Variants in FOXRED2 observed in about 807,000 individuals in gnomAD.
FOXRED2 encodes the protein FAD dependent oxidoreductase domain containing 2.
A neutral mutation model predicts 52.5 loss-of-function variants in FOXRED2; 32 were observed. The ratio of observed to expected loss-of-function variants is 0.61; its 90% confidence interval spans 0.46 to 0.82. The LOEUF (loss-of-function observed/expected upper bound fraction) is 0.82. Ranked by LOEUF, FOXRED2 falls within the 40% of genes least tolerant of loss-of-function variation. FOXRED2 has a pLI of 0.00. For synonymous variants in FOXRED2, 405 were observed against 398.1 expected, an observed-to-expected ratio of 1.02 and a Z score of -0.21; for missense variants, 848 against 937.5, an observed-to-expected ratio of 0.90 and a Z score of 1.25.
chr22:36,493,804 C>T lies in FOXRED2; in HGVS notation c.1625-1G>A. ...GCAGGGCGGAACCTCACCTCCTGTT[C>T]TGTGGGGAGGAGAGAGGGGGCCATG... On this transcript the variant is annotated splice_acceptor_variant, in intron 7 of 8. Transcript: ENST00000397224. LOFTEE classifies it high-confidence loss of function. 1 of 1,613,900 alleles carries T rather than the reference C, an allele frequency of 6.2e-7. No homozygotes were observed.
intron 7 of FOXRED2, among the ~76,000 whole-genome samples, chr22:36,494,237 C>T (rs575786060): frequency 6.6e-6 from 1 of 152,300 alleles, no homozygotes; most frequent in South Asian, 2.1e-4. Flanking sequence ...GTGCCTCTGC[C>T]TCCAGAGTAG....
Position 36,504,113 on chromosome 22 carries a change from A to C in FOXRED2, c.1034T>G (p.Phe345Cys), listed in dbSNP as rs778723147. ...TGGAACTCACTTATTGAAAATGGAG[A>C]AGTCAAAGTTCCAGCCCAGGCAGCG... ...VIRCLGWNFD[F>C]SIFNKSLRLN... Residue 345 changes from phenylalanine to cysteine, a missense_variant, in exon 4 of 9, where the codon TTC (phenylalanine) becomes TGC (cysteine). Phe to Cys is a radical substitution (Grantham distance 205, BLOSUM62 -2). Transcript: ENST00000397224. 4 of 1,614,060 alleles carry C rather than the reference A, an allele frequency of 2.5e-6. No individual in the cohort carries two copies. The South Asian group carries it at 4.4e-5, about 18-fold the overall frequency.
Position 36,496,175 on chromosome 22 carries a change from G to A in FOXRED2, c.1416C>T (p.Phe472=). The change falls in exon 7 of 9, where the codon TTC becomes TTT. Residue 472 remains phenylalanine, a synonymous_variant. Coordinates refer to ENST00000397224, the MANE Select transcript of FOXRED2 (RefSeq NM_001102371.2). The part of the protein sequence containing the change: ...NSTAFEYLEE[F]PIQMLAQLET... ...CCAGCTGGGCCAGCATCTGTATGGGGAACTCCTCCAGGTACTCAAAGGCCG... is the reference window on the plus strand; with the variant it reads ...CCAGCTGGGCCAGCATCTGTATGGGAAACTCCTCCAGGTACTCAAAGGCCG... 4 of 1,614,024 alleles carry A rather than the reference G, an allele frequency of 2.5e-6. No homozygotes were observed. The highest frequency in any genetic ancestry group is 3.4e-6 in the Non-Finnish European group (4 of 1,180,028).
At chr22:36,499,962 C>T (rs571773733) in intron 5 of FOXRED2, among the ~76,000 whole-genome samples, 35 of 152,104 alleles carry the variant, frequency 2.3e-4, no homozygotes, top group African/African-American at 8.0e-4. Flanking sequence ...CCACCATGCC[C>T]GGCTAATTTT....
intron 3 of FOXRED2, 25 bp downstream of exon 3, chr22:36,504,490 A>C: frequency 6.2e-7 from 1 of 1,613,628 alleles, no homozygotes; most frequent in Non-Finnish European, 8.5e-7. Flanking sequence ...CCAGCACAGA[A>C]CACACATGCG....
At chr22:36,497,535 G>T (rs1933933896) in intron 6 of FOXRED2, among the ~76,000 whole-genome samples, 1 of 151,786 alleles carries the variant, frequency 6.6e-6, no homozygotes, top group Non-Finnish European at 1.5e-5. Context: ...ACCCCTCTGT[G>T]CTCTGCACCG....
rs1309140921 is a variant in FOXRED2, at chr22:36,504,499, C to T, written c.779+16G>A. On this transcript the variant is annotated intron_variant, in intron 3 of 8. Coordinates refer to ENST00000397224, the MANE Select transcript of FOXRED2 (RefSeq NM_001102371.2). ...GGGCTCCCAGCACAGAACACACATG[C>T]GGGGATGTGGCCTACCTGAGGTCTC... The T allele has an allele frequency of 6.2e-6, 10 of 1,613,704 alleles. No homozygotes were observed. Among genetic ancestry groups the T allele is most frequent in the African/African-American group, 5.3e-5 (4 of 74,878 alleles).
Position 36,504,828 on chromosome 22 carries a change from ACCACTCCCTGGACCCAC to A in FOXRED2, c.528-79_528-63del, listed in dbSNP as rs1209936396. On this transcript the variant is annotated intron_variant, in intron 2 of 8. Transcript: ENST00000397224. ...TTAGCTATAAGACCACTAAGTGAAAACCACTCCCTGGACCCACCCACCCACCTGCCTGGCTCCAACCG... is the reference window on the plus strand; with the variant it reads ...TTAGCTATAAGACCACTAAGTGAAAACCACCCACCTGCCTGGCTCCAACCG... 7 of 1,570,420 alleles carry A rather than the reference ACCACTCCCTGGACCCAC, an allele frequency of 4.5e-6. No homozygotes were observed. The East Asian group carries it at 1.6e-4, about 36-fold the overall frequency.
Position 36,493,786 on chromosome 22 carries a change from G to A in FOXRED2, c.1642C>T (p.Arg548Cys), listed in dbSNP as rs573196264. The part of the protein sequence containing the change: ...YLPTEQEVRF[R>C]PAHWPLPRPT... ...CGAGGCAGGGGCCAGTGTGCAGGGC[G>A]GAACCTCACCTCCTGTTCTGTGGGG... is the stretch of plus-strand genomic sequence containing the variant. Residue 548 changes from arginine to cysteine, a missense_variant, in exon 8 of 9, where the codon CGC becomes TGC. Transcript: ENST00000397224. The A allele has an allele frequency of 3.2e-5, 51 of 1,614,102 alleles. No individual in the cohort carries two copies. Among genetic ancestry groups the A allele is most frequent in the Admixed American group, 1.3e-4 (8 of 60,022 alleles).
At chr22:36,495,044 C>T (rs534375847) in intron 7 of FOXRED2, among the ~76,000 whole-genome samples, 36 of 151,108 alleles carry the variant, frequency 2.4e-4, no homozygotes, top group African/African-American at 8.3e-4. Context: ...TCCCGGATCC[C>T]GGTTCAAGCA....
At chr22:36,490,629 G>C (rs1283222189) in intron 8 of FOXRED2, among the ~76,000 whole-genome samples, 2 of 152,248 alleles carry the variant, frequency 1.3e-5, no homozygotes, top group Non-Finnish European at 2.9e-5. Context: ...CAGACCCTCG[G>C]CCTGGTGCGG....
intron 2 of FOXRED2, 103 bp downstream of exon 2, chr22:36,505,793 C>A: frequency 1.7e-6 from 2 of 1,209,914 alleles, no homozygotes; most frequent in Non-Finnish European, 2.3e-6. Flanking sequence ...AAGCGAAATA[C>A]CCTTTTTCGT....
chr22:36,491,296 C>G (rs567571822), intron 8 of FOXRED2, among the ~76,000 whole-genome samples: 6 of 152,122 alleles, frequency 3.9e-5, no homozygotes, highest in Admixed American at 6.6e-5. Flanking sequence ...AAGCGGGTGA[C>G]ATAGTTTGGG....
intron 8 of FOXRED2, among the ~76,000 whole-genome samples, chr22:36,492,867 A>G (rs1397097632): frequency 2.0e-5 from 3 of 152,222 alleles, no homozygotes; most frequent in Non-Finnish European, 2.9e-5. Flanking sequence ...TGATTTCTAT[A>G]GCTCAATGAT....
In FOXRED2 at chr22:36,496,064, G is replaced by A. The variant is rs538824032; in HGVS notation, c.1527C>T (p.Asp509=). 3.7e-5 allele frequency: 59 copies of A among 1,614,118 alleles called. No homozygotes were observed. The highest frequency in any genetic ancestry group is 8.3e-5 in the Admixed American group (5 of 60,010). ...CCACAGACCGGTCATCAAAGAAGACGTCCTTGTCGGGGCCAGAGAAATTTC... is the reference window on the plus strand; with the variant it reads ...CCACAGACCGGTCATCAAAGAAGACATCCTTGTCGGGGCCAGAGAAATTTC... The part of the protein sequence containing the change: ...YGRNFSGPDK[D]VFFDDRSVGH... The change falls in exon 7 of 9, where the codon GAC becomes GAT. Residue 509 remains aspartate (D), a synonymous_variant. Transcript: ENST00000397224.
At chr22:36,497,442 G>A (rs1408771150) in intron 6 of FOXRED2, among the ~76,000 whole-genome samples, 1 of 152,122 alleles carries the variant, frequency 6.6e-6, no homozygotes, top group African/African-American at 2.4e-5. Flanking sequence ...GCTATAGCAC[G>A]CCCTGCCTTT....
At chr22:36,502,995 C>T (rs888550823) in intron 4 of FOXRED2, among the ~76,000 whole-genome samples, 2 of 147,472 alleles carry the variant, frequency 1.4e-5, no homozygotes, top group African/African-American at 2.5e-5. Flanking sequence ...CCAGCCATCT[C>T]TTTTTTTTTT....
Position 36,490,125 on chromosome 22 carries a change from G to A in FOXRED2, c.1938C>T (p.Pro646=), listed in dbSNP as rs780035519. The change falls in exon 9 of 9, where the codon CCC becomes CCT. Residue 646 remains proline, a synonymous_variant. Transcript: ENST00000397224. ...TGCTGTCCTCCAGGCGCCTGCCTGTGGGGGCATAGTCCCGCAGGAGCCTGC... is the reference window on the plus strand; with the variant it reads ...TGCTGTCCTCCAGGCGCCTGCCTGTAGGGGCATAGTCCCGCAGGAGCCTGC... The part of the protein sequence containing the change: ...VESRLLRDYA[P]TGRRLEDSSQ... 2.5e-6 allele frequency: 4 copies of A among 1,614,040 alleles called. No individual in the cohort carries two copies. Among genetic ancestry groups the A allele is most frequent in the East Asian group, 2.2e-5 (1 of 44,882 alleles).
intron 8 of FOXRED2, among the ~76,000 whole-genome samples, chr22:36,492,038 C>A (rs1344214830): frequency 6.6e-6 from 1 of 152,140 alleles, no homozygotes. Context: ...TGTCGTGAGG[C>A]TTCCATGGGT....
Sources: gnomAD v4.1 joint callset for allele counts (sites outside exome capture counted in the v4.1 genomes callset) on GRCh38, gnomAD v4.1.1 for gene constraint, MANE v1.5 for transcripts, NCBI Gene and HGNC (gene_info 2026-07-23, HGNC 2026-07-21) for gene names.